MARCHF1: variants seen among roughly 807,000 people sequenced by gnomAD.
MARCHF1 encodes the protein membrane associated ring-CH-type finger 1.
MARCHF1 carries 40 observed loss-of-function variants against 54.2 expected under a neutral mutation model. The observed-to-expected ratio is 0.74, with a 90% CI of 0.57 to 0.96. MARCHF1 has a LOEUF of 0.96. Among genes scored for constraint, MARCHF1 ranks in the 40% least tolerant of loss-of-function variants. MARCHF1 has a pLI of 0.00. For missense variants in MARCHF1, 586 were observed against 656.5 expected (o/e 0.89, Z 1.17); for synonymous variants, 236 against 236.3 (o/e 1.00, Z 0.01).
intron 1 of MARCHF1, among the ~76,000 whole-genome samples, chr4:164,131,499 G>A (rs1034808450): frequency 2.0e-5 from 3 of 152,020 alleles, no homozygotes; most frequent in Non-Finnish European, 2.9e-5. Flanking sequence ...GCATTGTAAT[G>A]CACTTCAAGG....
intron 3 of MARCHF1, among the ~76,000 whole-genome samples, chr4:163,875,079 A>G (rs1015047900): frequency 1.3e-5 from 2 of 151,934 alleles, no homozygotes; most frequent in Non-Finnish European, 2.9e-5. Flanking sequence ...ATAATTCCCT[A>G]TTTTCTTTAA....
intron 8 of MARCHF1, among the ~76,000 whole-genome samples, chr4:163,571,509 T>A (rs1258448228): frequency 1.3e-5 from 2 of 152,140 alleles, no homozygotes; most frequent in Non-Finnish European, 1.5e-5. Context: ...TGTTGTGTGG[T>A]CTTCTGTATG....
In MARCHF1 at chr4:164,074,325, C is replaced by T. The variant is rs544709220; in HGVS notation, c.-248+37263G>A. ...ATTATTCTCTTGCTACAACAAGTTC[C>T]GAGTAAGTATCCTCTGTTTGCTCTC... On this transcript the variant is annotated intron_variant, in intron 2 of 9. Transcript: ENST00000514618. 5.3e-5 allele frequency among the ~76,000 whole-genome samples: 8 copies of T among 152,150 alleles called. 1 individual carries two copies. In the East Asian group the frequency reaches 7.8e-4, roughly 15 times the overall value.
intron 2 of MARCHF1, among the ~76,000 whole-genome samples, chr4:164,073,956 C>A (rs115581945): frequency 0.028 from 4,210 of 152,122 alleles, 179 homozygotes; most frequent in African/African-American, 0.096. Context: ...AGGCACGCAC[C>A]ACCACACCCA....
chr4:164,295,970 C>T (rs1375234081), intron 1 of MARCHF1, among the ~76,000 whole-genome samples: 1 of 152,094 alleles, frequency 6.6e-6, no homozygotes, highest in African/African-American at 2.4e-5. Flanking sequence ...AACAATAATA[C>T]ACACACACGC....
intron 7 of MARCHF1, among the ~76,000 whole-genome samples, chr4:163,602,206 TGTG>T (rs1247332558): frequency 4.6e-5 from 7 of 152,204 alleles, no homozygotes; most frequent in Non-Finnish European, 8.8e-5. Context: ...TAATATACAA[TGTG>T]GTGTTATAAA....
At chr4:164,298,454 A>G (rs1734468055) in intron 1 of MARCHF1, among the ~76,000 whole-genome samples, 1 of 152,058 alleles carries the variant, frequency 6.6e-6, no homozygotes, top group South Asian at 2.1e-4. Flanking sequence ...ACCCATTTAA[A>G]GTAACCCATT....
chr4:163,801,178 T>A (rs965054962), intron 4 of MARCHF1, among the ~76,000 whole-genome samples: 3 of 152,110 alleles, frequency 2.0e-5, no homozygotes, highest in Non-Finnish European at 4.4e-5. Context: ...GCTTTGTTGC[T>A]TAACGACACC....
At chr4:164,118,863 A>G (rs1368583348) in intron 1 of MARCHF1, among the ~76,000 whole-genome samples, 1 of 151,700 alleles carries the variant, frequency 6.6e-6, no homozygotes, top group Non-Finnish European at 1.5e-5. Flanking sequence ...TAAAGATATA[A>G]GAGTTATAAG....
chr4:163,609,604 T>C (rs539915647), intron 7 of MARCHF1, among the ~76,000 whole-genome samples: 1 of 125,740 alleles, frequency 8.0e-6, no homozygotes, highest in East Asian at 2.1e-4. Flanking sequence ...AGAAAAGGTC[T>C]TTCTGTGTGT....
intron 1 of MARCHF1, among the ~76,000 whole-genome samples, chr4:164,214,597 G>C (rs1241183169): frequency 6.6e-6 from 1 of 152,066 alleles, no homozygotes; most frequent in Non-Finnish European, 1.5e-5. Flanking sequence ...CATTGAACAA[G>C]GTACATAAAA....
At chr4:164,240,413 A>G (rs184856348) in intron 1 of MARCHF1, among the ~76,000 whole-genome samples, 13 of 152,276 alleles carry the variant, frequency 8.5e-5, no homozygotes, top group African/African-American at 2.9e-4. Flanking sequence ...TCCAGGACCA[A>G]TTCCAATGGA....
rs1221938957 is a variant in MARCHF1 at position 164,070,968 on chromosome 4, T to G, written c.-248+40620A>C. Among the ~76,000 whole-genome samples, 3 of 152,200 alleles carry G rather than the reference T, an allele frequency of 2.0e-5. No individual in the cohort carries two copies. In the South Asian group the frequency reaches 6.2e-4, roughly 31 times the overall value. ...GACGGGTTTATCAAGGATTTCTGCTTTTGCTTCTTTGTCATTTTCTCTTGC... is the reference window on the plus strand; with the variant it reads ...GACGGGTTTATCAAGGATTTCTGCTGTTGCTTCTTTGTCATTTTCTCTTGC... On this transcript the variant is annotated intron_variant, in intron 2 of 9. Transcript: ENST00000514618.
chr4:163,773,736 C>G (rs768096877), intron 4 of MARCHF1, among the ~76,000 whole-genome samples: 21 of 152,150 alleles, frequency 1.4e-4, no homozygotes, highest in Non-Finnish European at 2.6e-4. Context: ...GCCAAAACTT[C>G]TAAGATATTC....
chr4:163,580,460 G>T (rs868737704), intron 8 of MARCHF1, among the ~76,000 whole-genome samples: 60 of 152,132 alleles, frequency 3.9e-4, no homozygotes, highest in Non-Finnish European at 7.4e-4. Flanking sequence ...ATTAAATGTT[G>T]AATAAGGACT....
intron 5 of MARCHF1, among the ~76,000 whole-genome samples, chr4:163,670,052 A>G (rs944975077): frequency 1.3e-5 from 2 of 151,622 alleles, no homozygotes; most frequent in Non-Finnish European, 2.9e-5. Flanking sequence ...TGTAATTACA[A>G]GCCACCATCA....
At chr4:163,746,299 G>A (rs1018164154) in intron 4 of MARCHF1, among the ~76,000 whole-genome samples, 2 of 152,004 alleles carry the variant, frequency 1.3e-5, no homozygotes, top group African/African-American at 2.4e-5. Context: ...ATTCAGTCAC[G>A]TGCATTTAAG....
intron 2 of MARCHF1, among the ~76,000 whole-genome samples, chr4:164,042,293 T>C (rs1754145755): frequency 6.6e-6 from 1 of 151,974 alleles, no homozygotes; most frequent in South Asian, 2.1e-4. Flanking sequence ...CTGAGTAATG[T>C]ATGAAAAAAG....
intron 5 of MARCHF1, among the ~76,000 whole-genome samples, chr4:163,613,811 T>C (rs1220919109): frequency 2.0e-5 from 3 of 152,172 alleles, no homozygotes; most frequent in African/African-American, 7.2e-5. Flanking sequence ...ATTAGGTTGC[T>C]AGATACTTCC....
Sources: gnomAD v4.1 joint callset for allele counts (sites outside exome capture counted in the v4.1 genomes callset) on GRCh38, gnomAD v4.1.1 for gene constraint, MANE v1.5 for transcripts, NCBI Gene and HGNC (gene_info 2026-07-23, HGNC 2026-07-21) for gene names.